Variants in ST6GALNAC5 observed in about 807,000 individuals in gnomAD.
ST6GALNAC5 encodes ST6 N-acetylgalactosaminide alpha-2,6-sialyltransferase 5.
ST6GALNAC5 carries 27 observed loss-of-function variants against 33.6 expected under a neutral mutation model. That is an observed-to-expected ratio of 0.80 (90% confidence interval 0.59 to 1.11). The LOEUF is 1.11. Among genes scored for constraint, ST6GALNAC5 ranks in the 50% least tolerant of loss-of-function variants. ST6GALNAC5 has a pLI of 0.00. For missense variants in ST6GALNAC5, 428 were observed against 454.0 expected, an observed-to-expected ratio of 0.94 and a Z score of 0.52; for synonymous variants, 194 against 171.2, an observed-to-expected ratio of 1.13 and a Z score of -1.04.
intron 2 of ST6GALNAC5, among the ~76,000 whole-genome samples, chr1:76,925,310 T>C (rs1403244): frequency 0.48 from 72,278 of 151,770 alleles, 17,744 homozygotes; most frequent in African/African-American, 0.57. Context: ...ATATCCAAAC[T>C]GTATCACCTG....
chr1:76,998,893 C>G (rs545340094), intron 2 of ST6GALNAC5, among the ~76,000 whole-genome samples: 15 of 152,180 alleles, frequency 9.9e-5, no homozygotes, highest in African/African-American at 3.6e-4. Context: ...TAACAGCCAG[C>G]CTGTTATAGA....
intron 2 of ST6GALNAC5, among the ~76,000 whole-genome samples, chr1:77,006,819 G>T (rs1450920630): frequency 1.3e-5 from 2 of 152,138 alleles, no homozygotes; most frequent in Non-Finnish European, 2.9e-5. Flanking sequence ...GGTCTCTGTT[G>T]GCCTAGCTCA....
intron 2 of ST6GALNAC5, among the ~76,000 whole-genome samples, chr1:76,938,439 A>G (rs1455367620): frequency 6.6e-6 from 1 of 152,074 alleles, no homozygotes. Context: ...GGAAAAGGGA[A>G]ATGATTGAAG....
chr1:76,950,326 C>G (rs575844099), intron 2 of ST6GALNAC5, among the ~76,000 whole-genome samples: 5 of 151,952 alleles, frequency 3.3e-5, no homozygotes, highest in Non-Finnish European at 7.4e-5. Context: ...TTACATATAC[C>G]ACATATTTAT....
chr1:76,921,923 T>C (rs552176640), intron 2 of ST6GALNAC5, among the ~76,000 whole-genome samples: 1 of 152,296 alleles, frequency 6.6e-6, no homozygotes, highest in South Asian at 2.1e-4. Context: ...AGGGTAAGAC[T>C]GAATACTTTC....
At chr1:76,892,008 C>T (rs1654023749) in intron 2 of ST6GALNAC5, among the ~76,000 whole-genome samples, 1 of 152,184 alleles carries the variant, frequency 6.6e-6, no homozygotes, top group African/African-American at 2.4e-5. Flanking sequence ...GAATAATGAT[C>T]TGCTATTTCC....
At chr1:77,054,513 T>C (rs528333820) in intron 4 of ST6GALNAC5, among the ~76,000 whole-genome samples, 1 of 152,328 alleles carries the variant, frequency 6.6e-6, no homozygotes, top group African/African-American at 2.4e-5. Context: ...CCATGATGCT[T>C]TCCAATCTAA....
At chr1:76,874,823 G>A (rs112224774) in intron 2 of ST6GALNAC5, among the ~76,000 whole-genome samples, 12 of 152,114 alleles carry the variant, frequency 7.9e-5, no homozygotes, top group African/African-American at 1.7e-4. Flanking sequence ...ATTAACCATC[G>A]CAAGTCCACC....
chr1:76,874,156 A>T (rs1241039006), intron 2 of ST6GALNAC5, among the ~76,000 whole-genome samples: 1 of 152,218 alleles, frequency 6.6e-6, no homozygotes, highest in African/African-American at 2.4e-5. Flanking sequence ...TCCACTCTTT[A>T]TTAGCCTCAT....
intron 2 of ST6GALNAC5, among the ~76,000 whole-genome samples, chr1:77,036,966 C>T (rs1325513861): frequency 6.6e-6 from 1 of 152,110 alleles, no homozygotes; most frequent in Non-Finnish European, 1.5e-5. Flanking sequence ...GAAAGCCTCC[C>T]TGGGGAGGCG....
intron 2 of ST6GALNAC5, among the ~76,000 whole-genome samples, chr1:76,984,736 T>A (rs1174605984): frequency 6.6e-6 from 1 of 151,856 alleles, no homozygotes; most frequent in Non-Finnish European, 1.5e-5. Flanking sequence ...AGATGAATAT[T>A]CCCAATGAAC....
At position 77,042,320 on chromosome 1, in the gene ST6GALNAC5, C is replaced by T. The variant is rs187819136; in HGVS notation, c.262-1884C>T. Among the ~76,000 whole-genome samples, 3 of 152,302 alleles carry T rather than the reference C, an allele frequency of 2.0e-5. No homozygotes were observed. The East Asian group carries it at 5.8e-4, about 29-fold the overall frequency. On this transcript the variant is annotated intron_variant, in intron 2 of 4. Transcript: ENST00000477717. The stretch of plus-strand genomic sequence containing the variant: ...CCTTACTCCGACTTCAGCAGAGCCT[C>T]CTCTCCTTATACTGTATCACACTGT...
intron 2 of ST6GALNAC5, among the ~76,000 whole-genome samples, chr1:76,903,380 A>G (rs562042204): frequency 1.3e-5 from 2 of 152,280 alleles, no homozygotes; most frequent in South Asian, 4.1e-4. Context: ...AAAAAATATA[A>G]CAACAACTTT....
At chr1:76,895,980 T>G (rs1042940117) in intron 2 of ST6GALNAC5, among the ~76,000 whole-genome samples, 2 of 152,126 alleles carry the variant, frequency 1.3e-5, no homozygotes, top group African/African-American at 4.8e-5. Context: ...CTGAGCTTGG[T>G]GTGGTGTGTT....
At chr1:76,928,778 A>G (rs115209772) in intron 2 of ST6GALNAC5, among the ~76,000 whole-genome samples, 59 of 151,982 alleles carry the variant, frequency 3.9e-4, no homozygotes, top group African/African-American at 1.3e-3. Flanking sequence ...CTGATTAATC[A>G]CTTCCAAGGC....
At chr1:77,031,335 G>T (rs1570116599) in intron 2 of ST6GALNAC5, among the ~76,000 whole-genome samples, 1 of 152,146 alleles carries the variant, frequency 6.6e-6, no homozygotes, top group South Asian at 2.1e-4. Flanking sequence ...TTCCAGCTGG[G>T]GTGCTGAGTT....
At chr1:77,000,199 G>T (rs1281880275) in intron 2 of ST6GALNAC5, among the ~76,000 whole-genome samples, 4 of 102,288 alleles carry the variant, frequency 3.9e-5, no homozygotes, top group Non-Finnish European at 6.8e-5. Context: ...GGTGTGAGAT[G>T]GTATCTCACT....
Position 77,065,598 on chromosome 1 carries a change from G to C in ST6GALNAC5, c.*2392G>C, listed in dbSNP as rs2100488855. The C allele has an allele frequency of 6.6e-6, 1 of 152,330 alleles. No individual in the cohort carries two copies. Among genetic ancestry groups the C allele is most frequent in the East Asian group, 1.9e-4 (1 of 5,186 alleles). The allele number at this position is 152,330 out of a possible 1,614,324, so 9.4% of individuals were successfully genotyped here. ...AAAGAAAATGACTAGAATTCTGATAGATTGTGCTGATGAACCTGGTTGTGG... is the reference window on the plus strand; with the variant it reads ...AAAGAAAATGACTAGAATTCTGATACATTGTGCTGATGAACCTGGTTGTGG... On this transcript the variant is annotated 3_prime_UTR_variant, in exon 5 of 5. Transcript: ENST00000477717.
intron 2 of ST6GALNAC5, among the ~76,000 whole-genome samples, chr1:76,910,081 G>C (rs1430663088): frequency 6.6e-6 from 1 of 151,984 alleles, no homozygotes; most frequent in East Asian, 1.9e-4. Flanking sequence ...TTAAGCCTCA[G>C]GTCTCCCAGT....
Sources: allele counts gnomAD v4.1 joint callset (sites outside exome capture counted in the v4.1 genomes callset), GRCh38; gene constraint gnomAD v4.1.1; transcripts MANE v1.5; gene names NCBI Gene and HGNC (gene_info 2026-07-23, HGNC 2026-07-21).